Variants in PDE10A observed in about 807,000 individuals in gnomAD.
PDE10A encodes cAMP and cAMP-inhibited cGMP 3',5'-cyclic phosphodiesterase 10A.
PDE10A carries 39 observed loss-of-function variants against 97.7 expected under a neutral mutation model. That is an observed-to-expected ratio of 0.40 (90% CI 0.31 to 0.52). The LOEUF is 0.52. PDE10A is among the 20% of genes least tolerant of loss of function. The pLI is 0.56. For missense variants in PDE10A, 731 were observed against 1,047.8 expected (o/e 0.70, Z 4.17); for synonymous variants, 371 against 376.8 (o/e 0.98, Z 0.18).
chr6:165,696,886 G>T (rs182616290), intron 1 of PDE10A, among the ~76,000 whole-genome samples: 7 of 152,126 alleles, frequency 4.6e-5, no homozygotes, highest in African/African-American at 1.7e-4. Flanking sequence ...CAAGTACAAA[G>T]CACAATAACT....
At chr6:165,604,718 G>A (rs1787127294) in intron 1 of PDE10A, among the ~76,000 whole-genome samples, 1 of 152,166 alleles carries the variant, frequency 6.6e-6, no homozygotes, top group South Asian at 2.1e-4. Flanking sequence ...AAGCTGGAGG[G>A]CTGCTTGCGC....
At chr6:165,667,867 C>T (rs1483083381), upstream of PDE10A, among the ~76,000 whole-genome samples, 1 of 152,194 alleles carries the variant, frequency 6.6e-6, no homozygotes, top group East Asian at 1.9e-4. Flanking sequence ...TGAATATTAA[C>T]TCTATTATAT....
At chr6:165,731,836 C>T (rs1337612430) in intron 1 of PDE10A, among the ~76,000 whole-genome samples, 2 of 152,190 alleles carry the variant, frequency 1.3e-5, no homozygotes, top group African/African-American at 4.8e-5. Context: ...CAATTGCCAA[C>T]AAGAATCCAG....
At chr6:165,763,405 C>T (rs1239636361) in intron 1 of PDE10A, among the ~76,000 whole-genome samples, 1 of 152,164 alleles carries the variant, frequency 6.6e-6, no homozygotes, top group Admixed American at 6.5e-5. Context: ...TCACTGCAAC[C>T]TCTGCCTCCC....
At chr6:165,935,470 A>G (rs1329355033) in intron 1 of PDE10A, among the ~76,000 whole-genome samples, 1 of 152,230 alleles carries the variant, frequency 6.6e-6, no homozygotes, top group Non-Finnish European at 1.5e-5. Context: ...GAATTCAAAA[A>G]CATTTTGAAA....
At position 165,886,050 on chromosome 6, in the gene PDE10A, T is replaced by C. The variant is rs556049811; in HGVS notation, c.-615+101479A>G. On this transcript the variant is annotated intron_variant, in intron 1 of 19. Coordinates refer to the PDE10A transcript ENST00000366882. Reference sequence around the variant, plus strand: ...ATGCCAAGAAAACTGTAAACATACATAAAATTTCATTTATTTTTTGAATCA... The same window carrying C: ...ATGCCAAGAAAACTGTAAACATACACAAAATTTCATTTATTTTTTGAATCA... Among the ~76,000 whole-genome samples the C allele has an allele frequency of 1.9e-3, 290 of 152,362 alleles. 2 individuals are homozygous for C. Among genetic ancestry groups the C allele is most frequent in the African/African-American group, 6.7e-3 (279 of 41,594 alleles).
At chr6:165,389,615 T>A (rs1375810640) in intron 16 of PDE10A, among the ~76,000 whole-genome samples, 1 of 151,874 alleles carries the variant, frequency 6.6e-6, no homozygotes, top group Non-Finnish European at 1.5e-5. Flanking sequence ...GGCGAAGGAG[T>A]CTACTTGATA....
At chr6:165,677,662 G>A (rs1790837161) in intron 1 of PDE10A, among the ~76,000 whole-genome samples, 1 of 152,166 alleles carries the variant, frequency 6.6e-6, no homozygotes, top group African/African-American at 2.4e-5. Context: ...TTTTATATCA[G>A]GGACTTGAAC....
At chr6:165,902,342 C>T (rs974657204) in intron 1 of PDE10A, among the ~76,000 whole-genome samples, 2 of 152,166 alleles carry the variant, frequency 1.3e-5, no homozygotes, top group Admixed American at 6.5e-5. Context: ...AGCGGCAAGC[C>T]GGCTGCCGAG....
At chr6:165,891,172 C>T (rs1018386983) in intron 1 of PDE10A, among the ~76,000 whole-genome samples, 3 of 152,180 alleles carry the variant, frequency 2.0e-5, no homozygotes, top group African/African-American at 7.2e-5. Context: ...TTCAAAGGGC[C>T]TTTCCAAACA....
At position 165,576,869 on chromosome 6, in the gene PDE10A, G is replaced by A. The variant is rs138810869; in HGVS notation, c.866-33301C>T. ...TTAGCCATCATTTTCCCCTCTCAGG[G>A]AAGCTCACCATCTCCAGCTCAGAAT... On this transcript the variant is annotated intron_variant, in intron 1 of 21. Transcript: ENST00000539869. 4.2e-3 allele frequency among the ~76,000 whole-genome samples: 639 copies of A among 152,266 alleles called. 2 individuals are homozygous for A. Among genetic ancestry groups the A allele is most frequent in the Middle Eastern group, 0.027 (8 of 294 alleles).
chr6:165,684,257 C>T (rs1369834663), intron 1 of PDE10A, among the ~76,000 whole-genome samples: 1 of 152,192 alleles, frequency 6.6e-6, no homozygotes, highest in Non-Finnish European at 1.5e-5. Context: ...TTGTATTTTG[C>T]TCACTGCTAT....
At chr6:165,796,112 T>TTTTTTTTTTTTTTTC (rs1562741090) in intron 1 of PDE10A, among the ~76,000 whole-genome samples, 1 of 147,348 alleles carries the variant, frequency 6.8e-6, no homozygotes, top group African/African-American at 2.6e-5. Context: ...TTTTTTTTTT[T>TTTTTTTTTTTTTTTC]TGAGACGGAG....
chr6:165,826,503 C>A (rs1583154663), intron 1 of PDE10A, among the ~76,000 whole-genome samples: 1 of 152,026 alleles, frequency 6.6e-6, no homozygotes, highest in Non-Finnish European at 1.5e-5. Context: ...GTCCCTGTGT[C>A]CCTCTGTCCC....
rs564022376 is a variant in PDE10A at position 165,529,323 on chromosome 6, C to T, written c.994+14117G>A. The stretch of plus-strand genomic sequence containing the variant: ...GGGCATCTCTTAGTATTACCATGCC[C>T]TGTGATTAAAGTCTATGGGAAACTA... On this transcript the variant is annotated intron_variant, in intron 2 of 21. Coordinates refer to ENST00000539869, the MANE Select transcript of PDE10A (RefSeq NM_001385079.1). 6.6e-5 allele frequency among the ~76,000 whole-genome samples: 10 copies of T among 152,228 alleles called. No homozygotes were observed. The South Asian group carries it at 2.1e-3, about 32-fold the overall frequency.
chr6:165,629,014 G>A (rs1788510587), intron 1 of PDE10A, among the ~76,000 whole-genome samples: 1 of 151,704 alleles, frequency 6.6e-6, no homozygotes, highest in South Asian at 2.1e-4. Flanking sequence ...GATTTTTATG[G>A]GTTTTTTTTT....
At chr6:165,590,338 A>C (rs1159245929) in intron 1 of PDE10A, among the ~76,000 whole-genome samples, 1 of 152,246 alleles carries the variant, frequency 6.6e-6, no homozygotes, top group East Asian at 1.9e-4. Context: ...AGCTGGCCAC[A>C]CAGCTAGTCT....
At chr6:165,567,453 G>A (rs936628200) in intron 1 of PDE10A, among the ~76,000 whole-genome samples, 1 of 152,170 alleles carries the variant, frequency 6.6e-6, no homozygotes. Context: ...AAATGACCTA[G>A]AGAAACTGTC....
At chr6:165,560,057 C>T (rs997099806) in intron 1 of PDE10A, among the ~76,000 whole-genome samples, 6 of 152,144 alleles carry the variant, frequency 3.9e-5, no homozygotes, top group Admixed American at 1.3e-4. Flanking sequence ...GCATGATCTC[C>T]GGCACTGTGA....
Sources: allele counts gnomAD v4.1 joint callset (sites outside exome capture counted in the v4.1 genomes callset), GRCh38; gene constraint gnomAD v4.1.1; transcripts MANE v1.5; gene names NCBI Gene and HGNC (gene_info 2026-07-23, HGNC 2026-07-21).